Variants in C6orf118 observed in about 807,000 individuals in gnomAD.
C6orf118 encodes the protein uncharacterized protein C6orf118.
C6orf118 carries 50 observed loss-of-function variants against 50.2 expected under a neutral mutation model. The observed-to-expected ratio is 1.00, with a 90% CI of 0.79 to 1.26. The LOEUF (loss-of-function observed/expected upper bound fraction) is 1.26, where lower values mean the gene tolerates loss of function less well. Ranked by LOEUF, C6orf118 falls within the 50% of genes most tolerant of loss-of-function variation. The pLI is 0.00. For missense variants in C6orf118, 641 were observed against 578.7 expected (o/e 1.11, Z -1.10); for synonymous variants, 239 against 230.9 (o/e 1.03, Z -0.32).
chr6:165,309,533 G>T, intron 1 of C6orf118, 29 bp downstream of exon 1: 1 of 1,613,760 alleles, frequency 6.2e-7, no homozygotes, highest in Non-Finnish European at 8.5e-7. Context: ...AATCTCACAA[G>T]CCAGCAAGAG....
At chr6:165,300,570 C>A in intron 2 of C6orf118, 84 bp from the exon 3 acceptor site, 1 of 1,349,926 alleles carries the variant, frequency 7.4e-7, no homozygotes, top group Non-Finnish European at 1.0e-6. Context: ...AGTGAGGACA[C>A]AGCTGCCATC....
At chr6:165,309,356 C>G (rs1476487808) in intron 1 of C6orf118, among the ~76,000 whole-genome samples, 1 of 152,272 alleles carries the variant, frequency 6.6e-6, no homozygotes. Context: ...GCACCCCCCA[C>G]CTCTGTGCTT....
In C6orf118 at chr6:165,298,023, T is replaced by C; in HGVS notation, c.1015A>G (p.Arg339Gly). The C allele has an allele frequency of 1.2e-6, 2 of 1,614,000 alleles. No individual in the cohort carries two copies. Among genetic ancestry groups the C allele is most frequent in the South Asian group, 2.2e-5 (2 of 91,076 alleles). ...ADMDLAREEL[R>G]MLVTATKAAL... ...GCTTTTGTGGCTGTCACGAGCATCC[T>C]CAGCTCTTCCCTGGCGAGATCCATG... The change falls in exon 5 of 9, where the codon AGG becomes GGG. Residue 339 changes from arginine (R) to glycine (G), a missense_variant. Physicochemically the swap from Arg to Gly is moderately radical, Grantham distance 125. Coordinates refer to ENST00000230301, the MANE Select transcript of C6orf118 (RefSeq NM_144980.4).
At chr6:165,287,798 T>C (rs1437800564) in intron 7 of C6orf118, among the ~76,000 whole-genome samples, 1 of 151,986 alleles carries the variant, frequency 6.6e-6, no homozygotes, top group East Asian at 1.9e-4. Flanking sequence ...ATAGGTTAAA[T>C]GCTTACATGT....
intron 7 of C6orf118, chr6:165,282,102 T>C (rs1187806938): frequency 6.5e-6 from 1 of 153,836 alleles, no homozygotes; most frequent in Non-Finnish European, 1.4e-5. Context: ...TTACCAGTTA[T>C]AATAGTAATA....
rs375970650 is a variant in C6orf118, at chr6:165,281,663, T to C, written c.1333A>G (p.Met445Val). 4.7e-6 allele frequency: 7 copies of C among 1,501,064 alleles called. No individual in the cohort carries two copies. Among genetic ancestry groups the C allele is most frequent in the African/African-American group, 1.4e-5 (1 of 70,538 alleles). 93.0% of individuals were successfully genotyped at this position (1,501,064 alleles called of 1,614,324 possible). The change falls in exon 8 of 9, where the codon ATG (methionine) becomes GTG (valine). Residue 445 changes from methionine (M) to valine (V), a missense_variant. Transcript: ENST00000230301. The stretch of plus-strand genomic sequence containing the variant: ...ACTTTTATTTTCTTCTTTAAAATCA[T>C]ATTTTCTGTTTCCAATTGTATAGCT... ...HEAIQLETEN[M>V]ILKKKIKGPL...
Position 165,301,693 on chromosome 6 carries a change from G to C in C6orf118, c.629C>G (p.Thr210Ser). 6.2e-7 allele frequency: 1 copy of C among 1,614,172 alleles called. No individual in the cohort carries two copies. Among genetic ancestry groups the C allele is most frequent in the Non-Finnish European group, 8.5e-7 (1 of 1,180,026 alleles). The change falls in exon 2 of 9, where the codon ACC becomes AGC. Residue 210 changes from threonine to serine, a missense_variant. Coordinates refer to ENST00000230301, the MANE Select transcript of C6orf118 (RefSeq NM_144980.4). ...GAACATCCTGTACCTGTCTGCGCTG[G>C]TGGCTCCGGCCAGGTAGGAGCTGAC... ...HYVSSYLAGA[T>S]SADRYRMFLR... is the part of the protein sequence containing the mutation.
chr6:165,301,921 G>A lies in C6orf118; in HGVS notation c.401C>T (p.Pro134Leu). 6.2e-7 allele frequency: 1 copy of A among 1,613,810 alleles called. No individual in the cohort carries two copies. Among genetic ancestry groups the A allele is most frequent in the South Asian group, 1.1e-5 (1 of 91,062 alleles). The stretch of plus-strand genomic sequence containing the variant: ...TGAAGTGTGGGAAAGAGAGGCCTGG[G>A]GGTTCAGGTACCTGAACAGCGGGGT... ...QDTPLFRYLN[P>L]QASLSHTSEE... is the part of the protein sequence containing the mutation. Residue 134 changes from proline to leucine, a missense_variant, in exon 2 of 9, where the codon CCC becomes CTC. Coordinates refer to ENST00000230301, the MANE Select transcript of C6orf118 (RefSeq NM_144980.4).
rs142124255 is a variant in C6orf118, at chr6:165,299,538, A to C, written c.877-36T>G. ...ACAAACAAAAGTCCACTGGCCATGT[A>C]TGAGGAGGCCACAGTGCAGGTGTTT... On this transcript the variant is annotated intron_variant, in intron 3 of 8. Transcript: ENST00000230301. The C allele has an allele frequency of 1.5e-3, 2,406 of 1,555,802 alleles. 23 individuals are homozygous for C. In the African/African-American group the frequency reaches 0.027, roughly 18 times the overall value.
At position 165,300,345 on chromosome 6, in the gene C6orf118, G is replaced by A. The variant is rs1780472456; in HGVS notation, c.876+19C>T. On this transcript the variant is annotated intron_variant, in intron 3 of 8. Transcript: ENST00000230301. The stretch of plus-strand genomic sequence containing the variant: ...ATGCAAGCTTCTCAACTGTTATGCT[G>A]AAGATGTATGTTTCTTACCTTAACT... The A allele has an allele frequency of 3.1e-6, 5 of 1,613,444 alleles. No individual in the cohort carries two copies. Among genetic ancestry groups the A allele is most frequent in the Non-Finnish European group, 4.2e-6 (5 of 1,179,680 alleles).
At chr6:165,306,913 C>T (rs969482966) in intron 1 of C6orf118, among the ~76,000 whole-genome samples, 3 of 144,420 alleles carry the variant, frequency 2.1e-5, no homozygotes, top group African/African-American at 5.3e-5. Flanking sequence ...CATCTGAAAA[C>T]ATTGTGTGTG....
At chr6:165,281,374 A>C (rs1779725382) in intron 8 of C6orf118, 1 of 408,336 alleles carries the variant, frequency 2.4e-6, no homozygotes, top group Non-Finnish European at 3.8e-6. Context: ...AGCATTCATG[A>C]GTGTGAACCC....
intron 1 of C6orf118, among the ~76,000 whole-genome samples, chr6:165,307,591 T>G (rs1437800170): frequency 6.6e-6 from 1 of 151,904 alleles, no homozygotes; most frequent in African/African-American, 2.4e-5. Flanking sequence ...CACTGTCCCA[T>G]GTTGTCAGAT....
rs1294868165 is a variant in C6orf118 at position 165,305,082 on chromosome 6, G to A, written c.26-2786C>T. ...CCCTGACTTCAAACTATACTACAAG[G>A]CTACAGTAACCAAAACAGCATGGTA... On this transcript the variant is annotated intron_variant, in intron 1 of 8. Coordinates refer to ENST00000230301, the MANE Select transcript of C6orf118 (RefSeq NM_144980.4). 6.9e-5 allele frequency among the ~76,000 whole-genome samples: 5 copies of A among 72,384 alleles called. 1 individual carries two copies. In the Admixed American group the frequency reaches 7.6e-4, roughly 11 times the overall value. 47.5% of individuals were successfully genotyped at this position (72,384 alleles called of 152,430 possible).
At chr6:165,288,266 A>C (rs1341736750) in intron 7 of C6orf118, among the ~76,000 whole-genome samples, 1 of 152,226 alleles carries the variant, frequency 6.6e-6, no homozygotes, top group Non-Finnish European at 1.5e-5. Flanking sequence ...GCAATTGTTA[A>C]AAAGTCAAGA....
At chr6:165,299,628 G>T in intron 3 of C6orf118, 126 bp from the exon 4 acceptor site, 1 of 685,120 alleles carries the variant, frequency 1.5e-6, no homozygotes, top group Non-Finnish European at 2.5e-6. Flanking sequence ...AATATAAAAT[G>T]TTCCCACAAT....
At chr6:165,284,009 G>A (rs1779824180) in intron 7 of C6orf118, among the ~76,000 whole-genome samples, 1 of 152,146 alleles carries the variant, frequency 6.6e-6, no homozygotes, top group Non-Finnish European at 1.5e-5. Context: ...ACTTCAGAAG[G>A]TGGGTAATAA....
At position 165,301,913 on chromosome 6, in the gene C6orf118, A is replaced by G; in HGVS notation, c.409T>C (p.Ser137Pro). Residue 137 changes from serine to proline, a missense_variant, in exon 2 of 9, where the codon TCT becomes CCT. Ser to Pro is a moderately conservative substitution (Grantham distance 74, BLOSUM62 -1). Transcript: ENST00000230301. The stretch of plus-strand genomic sequence containing the variant: ...TCCTCCTCTGAAGTGTGGGAAAGAG[A>G]GGCCTGGGGGTTCAGGTACCTGAAC... ...PLFRYLNPQASLSHTSEEDFL... is the reference protein window; with the variant it reads ...PLFRYLNPQAPLSHTSEEDFL... The G allele has an allele frequency of 6.2e-7, 1 of 1,613,662 alleles. No homozygotes were observed. The highest frequency in any genetic ancestry group is 8.5e-7 in the Non-Finnish European group (1 of 1,179,986).
intron 1 of C6orf118, among the ~76,000 whole-genome samples, chr6:165,306,514 A>C (rs1780736511): frequency 6.9e-6 from 1 of 145,962 alleles, no homozygotes; most frequent in Admixed American, 6.9e-5. Context: ...TATTCATAGA[A>C]ATGGAATTTC....
Sources: gnomAD v4.1 joint callset for allele counts (sites outside exome capture counted in the v4.1 genomes callset) on GRCh38, gnomAD v4.1.1 for gene constraint, MANE v1.5 for transcripts, NCBI Gene and HGNC (gene_info 2026-07-23, HGNC 2026-07-21) for gene names.